Variants in UBXN8 observed in about 807,000 individuals in gnomAD.
UBXN8 encodes UBX domain-containing protein 8.
In UBXN8, 27 loss-of-function variants were observed where a neutral mutation model predicts 32.1. That is an observed-to-expected ratio of 0.84 (90% CI 0.62 to 1.16). The LOEUF (loss-of-function observed/expected upper bound fraction) is 1.16. UBXN8 is among the 50% of genes most tolerant of loss of function. The probability of loss-of-function intolerance (pLI) is 0.00; values close to 1 mark genes in which losing one functional copy is unlikely to be tolerated. For missense variants in UBXN8, 306 were observed against 311.4 expected (o/e 0.98, Z 0.13); for synonymous variants, 109 against 111.8 (o/e 0.98, Z 0.16).
upstream of UBXN8, among the ~76,000 whole-genome samples, chr8:30,740,815 T>C (rs1388239846): frequency 6.6e-6 from 1 of 152,126 alleles, no homozygotes. Context: ...GTTCCAGGAA[T>C]TCTTACTCAC....
intron 1 of UBXN8, among the ~76,000 whole-genome samples, chr8:30,747,624 T>C (rs1470961218): frequency 7.1e-6 from 1 of 141,176 alleles, no homozygotes; most frequent in Non-Finnish European, 1.5e-5. Context: ...ATGGTTTCTT[T>C]ACATACCAAT....
At chr8:30,742,679 C>T (rs1358030518), upstream of UBXN8, among the ~76,000 whole-genome samples, 4 of 152,186 alleles carry the variant, frequency 2.6e-5, no homozygotes, top group East Asian at 7.7e-4. Flanking sequence ...CTGGTAGTTC[C>T]TTTGCACTCA....
chr8:30,755,634 T>TA (rs1805636966), intron 4 of UBXN8, among the ~76,000 whole-genome samples: 2 of 151,724 alleles, frequency 1.3e-5, no homozygotes, highest in South Asian at 4.2e-4. Context: ...TGTGTGGCTG[T>TA]AGTCTCAGCT....
At chr8:30,745,312 TGG>T (rs1332760391) in intron 1 of UBXN8, among the ~76,000 whole-genome samples, 2 of 152,104 alleles carry the variant, frequency 1.3e-5, no homozygotes, top group African/African-American at 4.8e-5. Flanking sequence ...GACTGCCTCA[TGG>T]GGGACTGAGC....
At position 30,754,781 on chromosome 8, in the gene UBXN8, A is replaced by G. The variant is rs753923762; in HGVS notation, c.399A>G (p.Lys133=). The G allele has an allele frequency of 1.2e-5, 19 of 1,554,942 alleles. No individual in the cohort carries two copies. Among genetic ancestry groups the G allele is most frequent in the Non-Finnish European group, 1.5e-5 (18 of 1,161,898 alleles). ...GEAWKLSSGH[K]LGGDEGTSQT... ...CCTGGAAATTAAGCAGTGGTCACAA[A>G]CTTGGGGTTGGAAAATATTCTCATT... is the stretch of plus-strand genomic sequence containing the variant. Residue 133 remains lysine (K), a synonymous_variant, in exon 4 of 8, where the codon AAA becomes AAG. Coordinates refer to ENST00000265616, the MANE Select transcript of UBXN8 (RefSeq NM_005671.4).
chr8:30,750,634 G>A (rs1027614932), intron 1 of UBXN8, among the ~76,000 whole-genome samples: 13 of 152,058 alleles, frequency 8.5e-5, no homozygotes, highest in East Asian at 7.7e-4. Context: ...TTAGCCAGGC[G>A]TGGTGGCAGG....
intron 1 of UBXN8, among the ~76,000 whole-genome samples, chr8:30,733,504 G>T (rs779132512): frequency 6.6e-6 from 1 of 152,176 alleles, no homozygotes; most frequent in Non-Finnish European, 1.5e-5. Flanking sequence ...GGACACCAGC[G>T]AGCTTCCACC....
At chr8:30,754,546 A>C in intron 3 of UBXN8, 119 bp from the exon 4 acceptor site, 1 of 1,345,740 alleles carries the variant, frequency 7.4e-7, no homozygotes, top group Non-Finnish European at 1.0e-6. Flanking sequence ...ACAGGGTGGC[A>C]GTGGCTCTGT....
upstream of UBXN8, among the ~76,000 whole-genome samples, chr8:30,742,584 T>C (rs920618330): frequency 1.3e-5 from 2 of 152,082 alleles, no homozygotes; most frequent in African/African-American, 4.8e-5. Context: ...TGAAGCAATC[T>C]GCCTCCTTCC....
At chr8:30,758,885 GTTTTT>G (rs1260155661) in intron 5 of UBXN8, among the ~76,000 whole-genome samples, 1 of 97,000 alleles carries the variant, frequency 1.0e-5, no homozygotes, top group African/African-American at 4.1e-5. Context: ...TTTTTTGTTT[GTTTTT>G]TTTGTTTTTT....
At chr8:30,752,074 TAG>T (rs1805535285) in intron 2 of UBXN8, among the ~76,000 whole-genome samples, 1 of 152,000 alleles carries the variant, frequency 6.6e-6, no homozygotes, top group Admixed American at 6.6e-5. Context: ...GTATTTTTTG[TAG>T]AGACAGGGTT....
Position 30,746,855 on chromosome 8 carries a change from G to A in UBXN8, c.88+2578G>A, listed in dbSNP as rs555883860. Among the ~76,000 whole-genome samples, 88 of 139,336 alleles carry A rather than the reference G, an allele frequency of 6.3e-4. 18 individuals carry two copies. In the Middle Eastern group the frequency reaches 0.04, roughly 63 times the overall value. The allele number at this position is 139,336 out of a possible 152,430, so 91.4% of individuals were successfully genotyped here. ...AAATATTTTAAGGCCAGTTCCTCAC[G>A]TTGAAGTACACTGCTTATGGGGTCT... On this transcript the variant is annotated intron_variant, in intron 1 of 7. Transcript: ENST00000265616.
At chr8:30,763,871 A>G (rs1805928957) in intron 7 of UBXN8, among the ~76,000 whole-genome samples, 2 of 152,044 alleles carry the variant, frequency 1.3e-5, no homozygotes, top group South Asian at 4.2e-4. Context: ...GATGCCTGTA[A>G]TCCCACCTAC....
intron 7 of UBXN8, among the ~76,000 whole-genome samples, 178 bp downstream of exon 7, chr8:30,763,525 G>C (rs544993605): frequency 6.6e-6 from 1 of 152,112 alleles, no homozygotes; most frequent in South Asian, 2.1e-4. Flanking sequence ...CATGCCTGCC[G>C]GATGTCTCTG....
In UBXN8 at chr8:30,766,253, T is replaced by C; in HGVS notation, c.672T>C (p.Ile224=). Residue 224 remains isoleucine, a synonymous_variant, in exon 8 of 8, where the codon ATT becomes ATC. Transcript: ENST00000265616. ...SQVLFDWMTR[I]GYHISLYSLS... Reference sequence around the variant, plus strand: ...TCTTATTTGACTGGATGACGAGAATTGGGTACCACATATCTCTATACAGCC... The same window carrying C: ...TCTTATTTGACTGGATGACGAGAATCGGGTACCACATATCTCTATACAGCC... 1.2e-6 allele frequency: 2 copies of C among 1,612,934 alleles called. No homozygotes were observed. Among genetic ancestry groups the C allele is most frequent in the Non-Finnish European group, 1.7e-6 (2 of 1,179,332 alleles).
chr8:30,762,961 C>G (rs1805895673), intron 6 of UBXN8, among the ~76,000 whole-genome samples: 1 of 152,000 alleles, frequency 6.6e-6, no homozygotes, highest in Non-Finnish European at 1.5e-5. Context: ...CTCAGATTCC[C>G]TGGGCTCAGG....
At chr8:30,741,886 C>T (rs1193633320), upstream of UBXN8, among the ~76,000 whole-genome samples, 1 of 152,126 alleles carries the variant, frequency 6.6e-6, no homozygotes, top group Non-Finnish European at 1.5e-5. Flanking sequence ...TGCTGGCTTC[C>T]CATATGTTAA....
At chr8:30,729,823 A>G (rs1280543421), upstream of UBXN8, among the ~76,000 whole-genome samples, 1 of 152,244 alleles carries the variant, frequency 6.6e-6, no homozygotes, top group Non-Finnish European at 1.5e-5. Context: ...AAGGTATGGC[A>G]CAAGGTAACT....
chr8:30,759,524 C>T (rs1045463733), intron 5 of UBXN8, among the ~76,000 whole-genome samples: 5 of 151,960 alleles, frequency 3.3e-5, no homozygotes, highest in African/African-American at 1.2e-4. Flanking sequence ...CGTGAGACAC[C>T]ACACCCAGCC....
Sources: allele counts gnomAD v4.1 joint callset (sites outside exome capture counted in the v4.1 genomes callset), GRCh38; gene constraint gnomAD v4.1.1; transcripts MANE v1.5; gene names NCBI Gene and HGNC (gene_info 2026-07-23, HGNC 2026-07-21).